Variants in DISP1 observed in about 807,000 individuals in gnomAD.
DISP1 encodes the protein protein dispatched homolog 1.
DISP1 carries 30 observed loss-of-function variants against 37.3 expected under a neutral mutation model. The observed-to-expected ratio is 0.80, with a 90% CI of 0.60 to 1.09. The LOEUF (loss-of-function observed/expected upper bound fraction) is 1.09, where lower values mean the gene tolerates loss of function less well. Among genes scored for constraint, DISP1 ranks in the 50% least tolerant of loss-of-function variants. The pLI is 0.00. For synonymous variants in DISP1, 634 were observed against 690.2 expected (o/e 0.92, Z 1.28); for missense variants, 1,598 against 1,879.5 (o/e 0.85, Z 2.77).
intron 2 of DISP1, among the ~76,000 whole-genome samples, chr1:222,938,607 C>G (rs537580449): frequency 6.6e-6 from 1 of 151,816 alleles, no homozygotes; most frequent in South Asian, 2.1e-4. Flanking sequence ...ATGGTACATG[C>G]CTATGGTCCC....
intron 1 of DISP1, among the ~76,000 whole-genome samples, chr1:222,887,298 G>A (rs1670650072): frequency 2.0e-5 from 3 of 152,064 alleles, no homozygotes; most frequent in Admixed American, 2.0e-4. Flanking sequence ...TTTCCTGCCT[G>A]TATGTCATCC....
Position 222,921,217 on chromosome 1 carries a change from G to A in DISP1, c.-158-7213G>A, listed in dbSNP as rs186511948. 3.1e-3 allele frequency among the ~76,000 whole-genome samples: 473 copies of A among 152,252 alleles called. 3 individuals are homozygous for A. The highest frequency in any genetic ancestry group is 0.011 in the African/African-American group (456 of 41,552). On this transcript the variant is annotated intron_variant, in intron 1 of 8. Coordinates refer to ENST00000675850, the MANE Select transcript of DISP1 (RefSeq NM_001377229.1). Reference sequence around the variant, plus strand: ...CCAGCTACTCGGGAGGCTGAGGCACGAGAATCACTTGAGCCCTGGAGGTGG... The same window carrying A: ...CCAGCTACTCGGGAGGCTGAGGCACAAGAATCACTTGAGCCCTGGAGGTGG...
At chr1:223,002,316 C>T in intron 8 of DISP1, 69 bp from the exon 9 acceptor site, 15 of 1,406,318 alleles carry the variant, frequency 1.1e-5, no homozygotes, top group Non-Finnish European at 1.3e-5. Context: ...TTAGTGCAGT[C>T]CTTTCCAGTT....
rs557711683 is a variant in DISP1, at chr1:222,857,847, C to A, written c.-159+42769C>A. Among the ~76,000 whole-genome samples the A allele has an allele frequency of 2.6e-5, 4 of 152,282 alleles. No individual in the cohort carries two copies. The East Asian group carries it at 7.7e-4, about 29-fold the overall frequency. ...GAAGAATCAATATCGTGAAAATGGC[C>A]ATACTGCCTAAAGTAATTTATAGAT... On this transcript the variant is annotated intron_variant, in intron 1 of 8. Coordinates refer to ENST00000675850, the MANE Select transcript of DISP1 (RefSeq NM_001377229.1).
intron 4 of DISP1, among the ~76,000 whole-genome samples, chr1:222,989,026 T>C (rs979370739): frequency 6.6e-6 from 1 of 152,250 alleles, no homozygotes; most frequent in Non-Finnish European, 1.5e-5. Context: ...AATTGCTCTA[T>C]ATTTTAATAT....
chr1:222,912,564 TTTCTTTTTAC>T (rs773207872), intron 1 of DISP1, among the ~76,000 whole-genome samples: 54 of 152,330 alleles, frequency 3.5e-4, no homozygotes, highest in Non-Finnish European at 6.8e-4. Flanking sequence ...TGTTACTTCC[TTTCTTTTTAC>T]TTCTTTTTAC....
In DISP1 at chr1:222,899,706, A is replaced by C. The variant is rs188702826; in HGVS notation, c.-158-28724A>C. 1.7e-3 allele frequency: 260 copies of C among 152,414 alleles called. 3 individuals carry two copies. The highest frequency in any genetic ancestry group is 0.014 in the Middle Eastern group (4 of 296). 9.4% of individuals were successfully genotyped at this position (152,414 alleles called of 1,614,324 possible). A position where few individuals can be genotyped will look rare whatever the true frequency, so the allele number is the denominator to read the frequency against. ...GGATCCTCCTGCCTCAGCCCCCTGA[A>C]TACTTGGGATTACAGTCGTGAGCTA... is the stretch of plus-strand genomic sequence containing the variant. On this transcript the variant is annotated intron_variant, in intron 1 of 8. Coordinates refer to ENST00000675850, the MANE Select transcript of DISP1 (RefSeq NM_001377229.1).
chr1:222,966,322 G>A (rs1323004810), intron 3 of DISP1, among the ~76,000 whole-genome samples: 7 of 152,074 alleles, frequency 4.6e-5, no homozygotes, highest in Admixed American at 3.9e-4. Context: ...AACAGTACCA[G>A]TAGTAGTTTT....
chr1:223,000,382 G>A lies in DISP1; in HGVS notation c.988-2003G>A, dbSNP rs188840247. Among the ~76,000 whole-genome samples the A allele has an allele frequency of 9.9e-5, 15 of 152,192 alleles. 1 individual carries two copies. In the East Asian group the frequency reaches 1.7e-3, roughly 18 times the overall value. ...GTGGTTCAGTTTTCCCTAAGTTAGCGTATGTGAATGTTTTTATCTGGAAAC... is the reference window on the plus strand; with the variant it reads ...GTGGTTCAGTTTTCCCTAAGTTAGCATATGTGAATGTTTTTATCTGGAAAC... On this transcript the variant is annotated intron_variant, in intron 8 of 8. Transcript: ENST00000675850.
chr1:222,905,105 C>T (rs1049790459), intron 1 of DISP1, among the ~76,000 whole-genome samples: 3 of 151,970 alleles, frequency 2.0e-5, no homozygotes, highest in Admixed American at 6.6e-5. Context: ...GATTTAAGAA[C>T]AAGTTGGAGC....
At chr1:222,881,774 T>C (rs1670299060) in intron 1 of DISP1, among the ~76,000 whole-genome samples, 1 of 152,230 alleles carries the variant, frequency 6.6e-6, no homozygotes, top group Non-Finnish European at 1.5e-5. Context: ...TTAGTTCTGG[T>C]TTAAAGGAAA....
intron 1 of DISP1, among the ~76,000 whole-genome samples, chr1:222,908,015 A>G (rs953708609): frequency 2.6e-5 from 4 of 152,180 alleles, no homozygotes; most frequent in African/African-American, 9.6e-5. Context: ...ATGATTAATC[A>G]TTGGATGTAC....
chr1:222,978,353 A>G (rs997121398), intron 3 of DISP1, among the ~76,000 whole-genome samples: 1 of 152,220 alleles, frequency 6.6e-6, no homozygotes, highest in South Asian at 2.1e-4. Context: ...TCCTTCGCCC[A>G]CTTTTTGATG....
At position 222,852,180 on chromosome 1, in the gene DISP1, AAAAT is replaced by A. The variant is rs200298241; in HGVS notation, c.-159+37123_-159+37126del. On this transcript the variant is annotated intron_variant, in intron 1 of 8. Coordinates refer to ENST00000675850, the MANE Select transcript of DISP1 (RefSeq NM_001377229.1). The stretch of plus-strand genomic sequence containing the variant: ...GCCTGGGAAGGAAAACTCCAACTCA[AAAAT>A]AAATAAATAAATAAATAAATTTACT... 4.3e-3 allele frequency among the ~76,000 whole-genome samples: 656 copies of A among 152,098 alleles called. 13 individuals are homozygous for A. Among genetic ancestry groups the A allele is most frequent in the Admixed American group, 0.019 (283 of 15,264 alleles).
intron 3 of DISP1, among the ~76,000 whole-genome samples, chr1:222,951,954 G>C (rs565250273): frequency 6.6e-6 from 1 of 152,280 alleles, no homozygotes; most frequent in South Asian, 2.1e-4. Context: ...AAACTTTTAT[G>C]TATAAATTTT....
chr1:222,917,288 G>A (rs996128595), intron 1 of DISP1, among the ~76,000 whole-genome samples: 12 of 152,076 alleles, frequency 7.9e-5, no homozygotes, highest in South Asian at 2.1e-4. Context: ...GGCAAACTGC[G>A]GCAAGTGGCA....
rs200714482 is a variant in DISP1, at chr1:223,004,596, G to A, written c.3199G>A (p.Asp1067Asn). The A allele has an allele frequency of 1.9e-5, 31 of 1,614,000 alleles. No individual in the cohort carries two copies. Among genetic ancestry groups the A allele is most frequent in the Admixed American group, 1.7e-4 (10 of 59,990 alleles). ...GVAYRLAPDP[D>N]REGKVIFSLS... ...TGCCTACCGCTTGGCTCCAGATCCC[G>A]ACCGAGAAGGCAAAGTGATCTTCTC... Residue 1067 changes from aspartate to asparagine, a missense_variant, in exon 9 of 9, where the codon GAC becomes AAC. By Grantham distance (23) the Asp-to-Asn change is conservative (BLOSUM62 1). Coordinates refer to ENST00000675850, the MANE Select transcript of DISP1 (RefSeq NM_001377229.1). The surrounding 1 kb of genome is among the most constrained non-coding windows in gnomAD (Gnocchi z 4.9).
chr1:222,873,292 G>C (rs1051076029), intron 1 of DISP1, among the ~76,000 whole-genome samples: 1 of 152,166 alleles, frequency 6.6e-6, no homozygotes, highest in Non-Finnish European at 1.5e-5. Flanking sequence ...TATTAGGTCT[G>C]CTTGGTGCAG....
chr1:222,877,347 G>A (rs992203242), intron 1 of DISP1, among the ~76,000 whole-genome samples: 2 of 152,120 alleles, frequency 1.3e-5, no homozygotes. Flanking sequence ...CACCTCTTAC[G>A]TGGATGGCGG....
Sources: gnomAD v4.1 joint callset for allele counts (sites outside exome capture counted in the v4.1 genomes callset) on GRCh38, gnomAD v4.1.1 for gene constraint, Gnocchi (gnomAD v3.1) non-coding constraint, MANE v1.5 for transcripts, NCBI Gene and HGNC (gene_info 2026-07-23, HGNC 2026-07-21) for gene names.